The following TPP2 variants were observed in gnomAD, a reference collection of about 807,000 sequenced individuals.
The protein encoded by TPP2 is tripeptidyl-peptidase 2.
Under a neutral mutation model 155.9 loss-of-function variants are expected in TPP2, and 34 were observed. The observed-to-expected ratio is 0.22, with a 90% confidence interval of 0.17 to 0.29. The LOEUF (loss-of-function observed/expected upper bound fraction) is 0.29. TPP2 is among the 10% of genes least tolerant of loss of function. TPP2 has a pLI of 1.00. For synonymous variants in TPP2, 510 were observed against 529.4 expected (o/e 0.96, Z 0.50); for missense variants, 1,028 against 1,522.3 (o/e 0.68, Z 5.40).
intron 11 of TPP2, among the ~76,000 whole-genome samples, 185 bp from the exon 12 acceptor site, chr13:102,635,402 C>T (rs1230465156): frequency 1.3e-5 from 2 of 152,144 alleles, no homozygotes; most frequent in East Asian, 1.9e-4. Flanking sequence ...GGAATGAAGC[C>T]TTCATGTAAT....
intron 6 of TPP2, among the ~76,000 whole-genome samples, chr13:102,626,243 C>A (rs967294813): frequency 6.6e-6 from 1 of 152,042 alleles, no homozygotes; most frequent in East Asian, 1.9e-4. Flanking sequence ...GATGGTTCAG[C>A]CTTTTTTTCA....
At chr13:102,654,885 C>T in intron 24 of TPP2, 1 of 455,484 alleles carries the variant, frequency 2.2e-6, no homozygotes, top group Admixed American at 2.4e-5. Flanking sequence ...CTTGGCTTTG[C>T]TCAGGGCAGT....
chr13:102,645,416 G>A (rs12583687), intron 19 of TPP2, among the ~76,000 whole-genome samples: 2 of 152,148 alleles, frequency 1.3e-5, no homozygotes, highest in Admixed American at 1.3e-4. Context: ...TTGTGCCTCA[G>A]CAGCTCCCCT....
chr13:102,624,842 T>TC (rs1881451444), intron 6 of TPP2, among the ~76,000 whole-genome samples: 1 of 143,914 alleles, frequency 6.9e-6, no homozygotes, highest in South Asian at 2.2e-4. Context: ...GTACTTAATT[T>TC]TTTTTTTTCC....
chr13:102,617,382 A>T (rs1255665827), intron 4 of TPP2, among the ~76,000 whole-genome samples: 2 of 152,174 alleles, frequency 1.3e-5, no homozygotes, highest in African/African-American at 2.4e-5. Flanking sequence ...TGAACTGATT[A>T]TCTCTAAGTC....
chr13:102,649,596 TGGGGAAAAAAA>T, intron 23 of TPP2, 110 bp downstream of exon 23: 3 of 931,566 alleles, frequency 3.2e-6, no homozygotes, highest in Non-Finnish European at 4.6e-6. Flanking sequence ...GATATACTCT[TGGGGAAAAAAA>T]TTTAATCCTT....
chr13:102,636,436 G>C (rs202045209), intron 13 of TPP2, 44 bp downstream of exon 13: 2 of 1,574,108 alleles, frequency 1.3e-6, no homozygotes, highest in Non-Finnish European at 1.7e-6. Context: ...CACATTTGCT[G>C]TTTGAATGAG....
chr13:102,673,075 C>T (rs987931868), intron 27 of TPP2, among the ~76,000 whole-genome samples: 7 of 152,202 alleles, frequency 4.6e-5, no homozygotes, highest in African/African-American at 1.7e-4. Context: ...ATCAAATGGG[C>T]TTTGAACCTC....
chr13:102,606,313 C>A (rs189788078), intron 2 of TPP2, among the ~76,000 whole-genome samples: 40 of 152,314 alleles, frequency 2.6e-4, no homozygotes, highest in African/African-American at 9.4e-4. Context: ...TAATAAAGCA[C>A]CACAGACTTA....
At chr13:102,654,845 G>T in intron 24 of TPP2, 1 of 421,044 alleles carries the variant, frequency 2.4e-6, no homozygotes, top group Non-Finnish European at 4.8e-6. Context: ...GAACTTGGTG[G>T]TAGAAGATCA....
intron 2 of TPP2, among the ~76,000 whole-genome samples, chr13:102,612,212 C>T (rs11844017): frequency 0.014 from 2,091 of 152,268 alleles, 50 homozygotes; most frequent in African/African-American, 0.048. Flanking sequence ...GGAAACTGTG[C>T]GTGTGCCCTG....
intron 1 of TPP2, among the ~76,000 whole-genome samples, chr13:102,600,434 G>T (rs1436996035): frequency 6.6e-6 from 1 of 151,120 alleles, no homozygotes; most frequent in Non-Finnish European, 1.5e-5. Flanking sequence ...TTGCCATTGT[G>T]TTAGGGCCTG....
intron 24 of TPP2, among the ~76,000 whole-genome samples, chr13:102,655,292 C>T (rs757284101): frequency 3.9e-5 from 6 of 152,022 alleles, no homozygotes; most frequent in Non-Finnish European, 7.4e-5. Context: ...ATCCTATTTG[C>T]GGGAGGTGAG....
intron 11 of TPP2, 34 bp from the exon 12 acceptor site, chr13:102,635,553 T>G: frequency 2.0e-6 from 3 of 1,527,462 alleles, no homozygotes; most frequent in South Asian, 1.1e-5. Context: ...AGATAGTGAG[T>G]GCTACACTAC....
In TPP2 at chr13:102,649,317, G is replaced by C; in HGVS notation, c.2874-91G>C. 4.1e-6 allele frequency: 6 copies of C among 1,462,334 alleles called. No individual in the cohort carries two copies. The South Asian group carries it at 7.6e-5, about 18-fold the overall frequency. 90.6% of individuals were successfully genotyped at this position (1,462,334 alleles called of 1,614,324 possible). ...AGTCTTAGCTATGGGAATGAATTCAGTGTGGAATTGTTTTCATGTTTTTCC... is the reference window on the plus strand; with the variant it reads ...AGTCTTAGCTATGGGAATGAATTCACTGTGGAATTGTTTTCATGTTTTTCC... On this transcript the variant is annotated intron_variant, in intron 22 of 29. Coordinates refer to ENST00000376052, the MANE Select transcript of TPP2 (RefSeq NM_001330588.2).
chr13:102,629,069 C>A (rs1445675715), intron 8 of TPP2, among the ~76,000 whole-genome samples: 1 of 152,118 alleles, frequency 6.6e-6, no homozygotes, highest in African/African-American at 2.4e-5. Context: ...TAAGTTCTTC[C>A]TAGTGCCTTA....
At chr13:102,638,831 T>G (rs1429306731) in intron 15 of TPP2, among the ~76,000 whole-genome samples, 1 of 152,216 alleles carries the variant, frequency 6.6e-6, no homozygotes, top group Admixed American at 6.6e-5. Context: ...GCTTAAAGTA[T>G]ATCAGTGGCA....
At chr13:102,614,036 G>T in intron 2 of TPP2, 65 bp from the exon 3 acceptor site, 2 of 1,417,966 alleles carry the variant, frequency 1.4e-6, no homozygotes, top group African/African-American at 1.4e-5. Flanking sequence ...TTTTTGCTCA[G>T]TAGTGTATCA....
chr13:102,645,237 CTAGT>C (rs751491906), intron 19 of TPP2, among the ~76,000 whole-genome samples: 11 of 152,296 alleles, frequency 7.2e-5, no homozygotes, highest in African/African-American at 1.2e-4. Context: ...CCAGTCATGA[CTAGT>C]TAGGATCAGT....
Sources: gnomAD v4.1 joint callset for allele counts (sites outside exome capture counted in the v4.1 genomes callset) on GRCh38, gnomAD v4.1.1 for gene constraint, MANE v1.5 for transcripts, NCBI Gene and HGNC (gene_info 2026-07-23, HGNC 2026-07-21) for gene names.